SCAF4: variants seen among roughly 807,000 people sequenced by gnomAD.
SCAF4 encodes SR-related and CTD-associated factor 4.
Under a neutral mutation model 129.8 loss-of-function variants are expected in SCAF4, and 25 were observed. The ratio of observed to expected loss-of-function variants is 0.19; its 90% CI spans 0.14 to 0.27. SCAF4 has a LOEUF of 0.27. Among genes scored for constraint, SCAF4 ranks in the 10% least tolerant of loss-of-function variants. SCAF4 has a pLI of 1.00. For synonymous variants in SCAF4, 551 were observed against 497.7 expected, an observed-to-expected ratio of 1.11 and a Z score of -1.43; for missense variants, 1,246 against 1,457.1, an observed-to-expected ratio of 0.86 and a Z score of 2.36.
At chr21:31,706,540 C>T (rs1470128242) in intron 1 of SCAF4, 183 bp from the exon 2 acceptor site, 5 of 569,426 alleles carry the variant, frequency 8.8e-6, no homozygotes, top group African/African-American at 5.7e-5. Flanking sequence ...CACACCCTCC[C>T]CACTGCCGTG....
intron 7 of SCAF4, among the ~76,000 whole-genome samples, chr21:31,698,942 A>G (rs578065521): frequency 6.6e-6 from 1 of 152,342 alleles, no homozygotes; most frequent in East Asian, 1.9e-4. Context: ...GCAGATGTAG[A>G]TTCAATTACT....
intron 1 of SCAF4, among the ~76,000 whole-genome samples, chr21:31,718,658 CAG>C (rs776712228): frequency 6.6e-6 from 1 of 152,204 alleles, no homozygotes; most frequent in African/African-American, 2.4e-5. Flanking sequence ...TCCGACTGAG[CAG>C]AGTCTTGTTT....
intron 9 of SCAF4, 60 bp from the exon 10 acceptor site, chr21:31,695,040 A>C: frequency 7.0e-7 from 1 of 1,436,014 alleles, no homozygotes; most frequent in Non-Finnish European, 9.5e-7. Flanking sequence ...GAAAACCTTT[A>C]GTTATATAAA....
intron 1 of SCAF4, among the ~76,000 whole-genome samples, chr21:31,718,499 T>C (rs2050993073): frequency 6.6e-6 from 1 of 152,158 alleles, no homozygotes; most frequent in Admixed American, 6.5e-5. Flanking sequence ...TTTTGCCATG[T>C]TAGCCAGGAT....
Position 31,685,386 on chromosome 21 carries a change from A to G in SCAF4, c.2296+12T>C. 6.2e-7 allele frequency: 1 copy of G among 1,601,256 alleles called. No homozygotes were observed. The highest frequency in any genetic ancestry group is 8.5e-7 in the Non-Finnish European group (1 of 1,173,122). Reference sequence around the variant, plus strand: ...AGAGGATAAGCAAACACAAAGAAAAAAACATGCTTACAGTTTGGGATGCTT... The same window carrying G: ...AGAGGATAAGCAAACACAAAGAAAAGAACATGCTTACAGTTTGGGATGCTT... On this transcript the variant is annotated intron_variant, in intron 18 of 19. Coordinates refer to ENST00000286835, the MANE Select transcript of SCAF4 (RefSeq NM_020706.2).
At position 31,690,921 on chromosome 21, in the gene SCAF4, T is replaced by C; in HGVS notation, c.1761A>G (p.Ala587=). Residue 587 remains alanine, a synonymous_variant, in exon 15 of 20, where the codon GCA becomes GCG. Coordinates refer to ENST00000286835, the MANE Select transcript of SCAF4 (RefSeq NM_020706.2). ...CTACATCCCAATACTGCTTATAATC[T>C]GCCTTTATTCCTTTGTTTAAGGCCC... ...IAWALNKGIK[A]DYKQYWDVEL... 1 of 1,612,844 alleles carries C rather than the reference T, an allele frequency of 6.2e-7. No homozygotes were observed. Among genetic ancestry groups the C allele is most frequent in the South Asian group, 1.1e-5 (1 of 90,678 alleles).
At chr21:31,678,295 C>T (rs1030785510) in intron 19 of SCAF4, among the ~76,000 whole-genome samples, 1 of 152,150 alleles carries the variant, frequency 6.6e-6, no homozygotes, top group Non-Finnish European at 1.5e-5. Context: ...ACATAAAAAA[C>T]GAGTCATTCT....
chr21:31,731,301 G>A lies in SCAF4; in HGVS notation c.30+362C>T, dbSNP rs972288275. 6.4e-4 allele frequency among the ~76,000 whole-genome samples: 97 copies of A among 152,262 alleles called. 1 individual carries two copies. The highest frequency in any genetic ancestry group is 2.1e-3 in the African/African-American group (88 of 41,556). On this transcript the variant is annotated intron_variant, in intron 1 of 19. Coordinates refer to ENST00000286835, the MANE Select transcript of SCAF4 (RefSeq NM_020706.2). The stretch of plus-strand genomic sequence containing the variant: ...CTTTCTTAGCCCTTTGCGGGCTCCC[G>A]GCACTGCGAACCCGACAACGGGGCT...
chr21:31,703,874 C>T lies in SCAF4; in HGVS notation c.212G>A (p.Arg71Gln). 1 of 1,597,028 alleles carries T rather than the reference C, an allele frequency of 6.3e-7. No homozygotes were observed. Among genetic ancestry groups the T allele is most frequent in the Admixed American group, 1.7e-5 (1 of 59,938 alleles). The change falls in exon 4 of 20, where the codon CGA (arginine) becomes CAA (glutamine). Residue 71 changes from arginine (R) to glutamine (Q), a missense_variant. Around this residue, in one of 6 missense-constraint regions of SCAF4, gnomAD observed 56 missense variants for 139.4 expected, o/e 0.40. Coordinates refer to ENST00000286835, the MANE Select transcript of SCAF4 (RefSeq NM_020706.2). ...AGTTCCAAACTGATGACGAGACTGTCGCACAATTGAGTCAATTACATATAA... is the reference window on the plus strand; with the variant it reads ...AGTTCCAAACTGATGACGAGACTGTTGCACAATTGAGTCAATTACATATAA... ...PGLYVIDSIV[R>Q]QSRHQFGTDK...
At chr21:31,706,242 A>T in intron 2 of SCAF4, 32 bp downstream of exon 2, 1 of 1,394,840 alleles carries the variant, frequency 7.2e-7, no homozygotes. Flanking sequence ...AATTTCAAAA[A>T]GATTTCTCAA....
intron 15 of SCAF4, among the ~76,000 whole-genome samples, chr21:31,689,912 G>A (rs1316654200): frequency 3.3e-5 from 5 of 152,030 alleles, no homozygotes; most frequent in Admixed American, 3.3e-4. Context: ...TCCAGCCTTA[G>A]TGACAGAGCA....
At chr21:31,678,990 A>G (rs1189312649) in intron 19 of SCAF4, among the ~76,000 whole-genome samples, 2 of 152,228 alleles carry the variant, frequency 1.3e-5, no homozygotes, top group African/African-American at 4.8e-5. Context: ...TTTATTGAAC[A>G]TATGAGTGAA....
chr21:31,731,621 C>A, intron 1 of SCAF4, 42 bp downstream of exon 1: 1 of 1,583,000 alleles, frequency 6.3e-7, no homozygotes, highest in Non-Finnish European at 8.6e-7. Flanking sequence ...GCCCCGGCTC[C>A]CGCAGCAGGC....
chr21:31,686,977 T>C (rs1242367196), intron 16 of SCAF4, among the ~76,000 whole-genome samples: 1 of 152,230 alleles, frequency 6.6e-6, no homozygotes, highest in Non-Finnish European at 1.5e-5. Flanking sequence ...AAATGAGTGC[T>C]GACACACATT....
intron 1 of SCAF4, among the ~76,000 whole-genome samples, chr21:31,718,598 G>A (rs752897478): frequency 5.3e-5 from 8 of 152,128 alleles, no homozygotes; most frequent in Admixed American, 1.3e-4. Flanking sequence ...ATCCCACCCC[G>A]AAAAGCTTTT....
At chr21:31,689,131 C>T (rs2050197320) in intron 15 of SCAF4, among the ~76,000 whole-genome samples, 1 of 152,092 alleles carries the variant, frequency 6.6e-6, no homozygotes, top group Non-Finnish European at 1.5e-5. Context: ...TCCCAGATGT[C>T]CAGCACATAG....
At position 31,688,313 on chromosome 21, in the gene SCAF4, A is replaced by T. The variant is rs2050178517; in HGVS notation, c.2037T>A (p.Pro679=). The change falls in exon 16 of 20, where the codon CCT becomes CCA. Residue 679 remains proline (P), a synonymous_variant. Coordinates refer to ENST00000286835, the MANE Select transcript of SCAF4 (RefSeq NM_020706.2). ...IPVPAPITVP[P]PQVPPHQPGP... The stretch of plus-strand genomic sequence containing the variant: ...CATGTCCCAATATTCTCACCTGTGG[A>T]GGTGGCACTGTTATAGGTGCAGGAA... 1.2e-6 allele frequency: 2 copies of T among 1,612,686 alleles called. No homozygotes were observed. Among genetic ancestry groups the T allele is most frequent in the Non-Finnish European group, 8.5e-7 (1 of 1,179,432 alleles).
chr21:31,677,088 TATC>T (rs1318697024), intron 19 of SCAF4, among the ~76,000 whole-genome samples: 1 of 152,138 alleles, frequency 6.6e-6, no homozygotes, highest in East Asian at 1.9e-4. Flanking sequence ...CTAGTTGGCT[TATC>T]ATTTTTTTAA....
Position 31,688,308 on chromosome 21 carries a change from T to C in SCAF4, c.2042A>G (p.Gln681Arg), listed in dbSNP as rs2050178188. 1 of 1,612,540 alleles carries C rather than the reference T, an allele frequency of 6.2e-7. No homozygotes were observed. ...VPAPITVPPP[Q>R]VPPHQPGPPV... ...TAAGTCATGTCCCAATATTCTCACC[T>C]GTGGAGGTGGCACTGTTATAGGTGC... The change falls in exon 16 of 20, where the codon CAG (glutamine) becomes CGG (arginine). Residue 681 changes from glutamine to arginine, a missense_variant and splice_region_variant. Transcript: ENST00000286835.
Sources: gnomAD v4.1 joint callset for allele counts (sites outside exome capture counted in the v4.1 genomes callset) on GRCh38, gnomAD v4.1.1 for gene constraint, gnomAD v4.1.1 regional missense constraint, MANE v1.5 for transcripts, NCBI Gene and HGNC (gene_info 2026-07-23, HGNC 2026-07-21) for gene names.